The following BMERB1 variants were observed in gnomAD, a reference collection of about 807,000 sequenced individuals.
BMERB1 encodes bMERB domain containing 1.
Under a neutral mutation model 23.6 loss-of-function variants are expected in BMERB1, and 12 were observed. That is an observed-to-expected ratio of 0.51 (90% CI 0.33 to 0.82). The LOEUF is 0.82. Ranked by LOEUF, BMERB1 falls within the 40% of genes least tolerant of loss-of-function variation. The probability of loss-of-function intolerance (pLI) is 0.03; values close to 1 mark genes in which losing one functional copy is unlikely to be tolerated. For missense variants in BMERB1, 247 were observed against 255.4 expected, an observed-to-expected ratio of 0.97 and a Z score of 0.22; for synonymous variants, 122 against 96.6, an observed-to-expected ratio of 1.26 and a Z score of -1.54.
chr16:15,546,456 A>T (rs546942105), intron 2 of BMERB1, among the ~76,000 whole-genome samples: 2 of 152,218 alleles, frequency 1.3e-5, no homozygotes, highest in South Asian at 2.1e-4. Flanking sequence ...GATCAAACTG[A>T]GGGTTGGGCT....
intron 1 of BMERB1, among the ~76,000 whole-genome samples, chr16:15,483,691 T>A (rs1170414846): frequency 6.6e-6 from 1 of 152,172 alleles, no homozygotes; most frequent in African/African-American, 2.4e-5. Flanking sequence ...GAAAAATCTA[T>A]GTTTGAGTCC....
In BMERB1 at chr16:15,444,133, T is replaced by TTTTTTTTTTTG. The variant is rs1567447922; in HGVS notation, c.106+9384_106+9385insGTTTTTTTTTT. 6.1e-5 allele frequency among the ~76,000 whole-genome samples: 7 copies of TTTTTTTTTTTG among 115,430 alleles called. 1 individual carries two copies. The highest frequency in any genetic ancestry group is 1.1e-4 in the Non-Finnish European group (6 of 53,878). The allele number at this position is 115,430 out of a possible 152,430, so 75.7% of individuals were successfully genotyped here. On this transcript the variant is annotated intron_variant, in intron 1 of 5. Coordinates refer to ENST00000300006, the MANE Select transcript of BMERB1 (RefSeq NM_033201.3). ...CCAGGCACCAGCTTTGTTTTTTTTT[T>TTTTTTTTTTTG]TTTTTTTTTTTTTTTTTGGCTGTTT...
intron 1 of BMERB1, among the ~76,000 whole-genome samples, chr16:15,480,818 TG>T: frequency 6.6e-6 from 1 of 152,100 alleles, no homozygotes; most frequent in Middle Eastern, 3.4e-3. Flanking sequence ...TTCACCATGT[TG>T]GCCAGGATGG....
chr16:15,518,955 A>G (rs981639185), intron 2 of BMERB1, among the ~76,000 whole-genome samples: 2 of 152,068 alleles, frequency 1.3e-5, no homozygotes, highest in African/African-American at 2.4e-5. Flanking sequence ...ACCTTATCCA[A>G]TTTCCTCACA....
chr16:15,580,127 T>TAGAGAAGAA (rs1567506843), intron 3 of BMERB1, among the ~76,000 whole-genome samples: 1 of 151,796 alleles, frequency 6.6e-6, no homozygotes, highest in Non-Finnish European at 1.5e-5. Flanking sequence ...GACAGGGTCT[T>TAGAGAAGAA]TCTCTGTTAC....
At chr16:15,553,058 A>ATC (rs1262107038) in intron 2 of BMERB1, among the ~76,000 whole-genome samples, 6 of 152,070 alleles carry the variant, frequency 3.9e-5, no homozygotes, top group Non-Finnish European at 7.4e-5. Flanking sequence ...CCCAGGCTGG[A>ATC]GTTCAGTGGT....
At chr16:15,485,659 T>G (rs1309436496) in intron 1 of BMERB1, among the ~76,000 whole-genome samples, 2 of 152,132 alleles carry the variant, frequency 1.3e-5, no homozygotes, top group East Asian at 3.9e-4. Context: ...TATTTCCATC[T>G]GTGTTACTGG....
At chr16:15,479,210 A>G (rs1222672773) in intron 1 of BMERB1, among the ~76,000 whole-genome samples, 11 of 152,196 alleles carry the variant, frequency 7.2e-5, no homozygotes, top group Non-Finnish European at 2.9e-5. Context: ...CATGGGCTTG[A>G]TGGTTTCCAA....
intron 3 of BMERB1, among the ~76,000 whole-genome samples, chr16:15,579,664 T>C (rs1398494548): frequency 6.6e-6 from 1 of 152,098 alleles, no homozygotes; most frequent in East Asian, 1.9e-4. Flanking sequence ...CCTCTCTCTT[T>C]TTTTTATTTT....
At chr16:15,478,680 G>A (rs1598461623) in intron 1 of BMERB1, among the ~76,000 whole-genome samples, 2 of 152,306 alleles carry the variant, frequency 1.3e-5, no homozygotes, top group South Asian at 4.1e-4. Flanking sequence ...CAGTGCCAAA[G>A]CATTGGTGGG....
chr16:15,583,448 C>T (rs757436144), intron 5 of BMERB1, among the ~76,000 whole-genome samples: 4 of 151,872 alleles, frequency 2.6e-5, no homozygotes, highest in Non-Finnish European at 5.9e-5. Flanking sequence ...CACGGTGGCA[C>T]ACACCTGAAA....
At chr16:15,472,480 A>G (rs1390452209) in intron 1 of BMERB1, among the ~76,000 whole-genome samples, 1 of 151,668 alleles carries the variant, frequency 6.6e-6, no homozygotes, top group Non-Finnish European at 1.5e-5. Flanking sequence ...TGATAGGTTG[A>G]CCCTTTTATC....
intron 2 of BMERB1, among the ~76,000 whole-genome samples, chr16:15,554,847 C>T (rs1208409837): frequency 6.6e-6 from 1 of 151,672 alleles, no homozygotes; most frequent in Non-Finnish European, 1.5e-5. Context: ...TTTGTATTTT[C>T]AGTAGAGACA....
At chr16:15,571,964 G>GA (rs1190364302) in intron 3 of BMERB1, among the ~76,000 whole-genome samples, 2 of 152,030 alleles carry the variant, frequency 1.3e-5, no homozygotes, top group Non-Finnish European at 2.9e-5. Context: ...ATCCTCTGCA[G>GA]AAAAAAGCAC....
At chr16:15,483,146 A>G (rs2051338212) in intron 1 of BMERB1, among the ~76,000 whole-genome samples, 2 of 152,250 alleles carry the variant, frequency 1.3e-5, no homozygotes, top group South Asian at 4.1e-4. Flanking sequence ...AAATCATCAC[A>G]TATTCTTCAA....
intron 1 of BMERB1, among the ~76,000 whole-genome samples, chr16:15,508,828 C>CA (rs1181215065): frequency 0.033 from 1,822 of 55,596 alleles, 14 homozygotes; most frequent in East Asian, 0.043. Context: ...CCTGCCCCAC[C>CA]AAAAAAAAAA....
chr16:15,440,244 CAAAAAAAA>C (rs57412464), intron 1 of BMERB1, among the ~76,000 whole-genome samples: 1 of 64,668 alleles, frequency 1.5e-5, no homozygotes, highest in Non-Finnish European at 2.8e-5. Context: ...GACTTAATCT[CAAAAAAAA>C]AAAAAAAAAA....
intron 3 of BMERB1, among the ~76,000 whole-genome samples, chr16:15,568,708 C>T (rs1191438077): frequency 6.6e-6 from 1 of 152,086 alleles, no homozygotes; most frequent in Non-Finnish European, 1.5e-5. Context: ...AAGTGCTTAG[C>T]TTGATATTTG....
intron 1 of BMERB1, among the ~76,000 whole-genome samples, chr16:15,464,485 A>G (rs153808): frequency 0.49 from 74,166 of 151,850 alleles, 19,839 homozygotes; most frequent in Middle Eastern, 0.65. Flanking sequence ...GAAACTAAAA[A>G]AATGGCTTCT....
Sources: allele counts gnomAD v4.1 joint callset (sites outside exome capture counted in the v4.1 genomes callset), GRCh38; gene constraint gnomAD v4.1.1; transcripts MANE v1.5; gene names NCBI Gene and HGNC (gene_info 2026-07-23, HGNC 2026-07-21).